CUX1: variants seen among roughly 807,000 people sequenced by gnomAD.
The protein encoded by CUX1 is cut like homeobox 1, also known as protein CASP.
Under a neutral mutation model 158.8 loss-of-function variants are expected in CUX1, and 31 were observed. That is an observed-to-expected ratio of 0.20 (90% confidence interval 0.15 to 0.26). CUX1 has a LOEUF of 0.26. Among genes scored for constraint, CUX1 ranks in the 10% least tolerant of loss-of-function variants. The pLI, the probability that CUX1 is intolerant of heterozygous loss-of-function variation, is 1.00. For missense variants in CUX1, 1,589 were observed against 2,014.6 expected, an observed-to-expected ratio of 0.79 and a Z score of 4.04; for synonymous variants, 879 against 862.1, an observed-to-expected ratio of 1.02 and a Z score of -0.34.
At chr7:102,120,541 A>T (rs1374076984) in intron 8 of CUX1, among the ~76,000 whole-genome samples, 1 of 152,232 alleles carries the variant, frequency 6.6e-6, no homozygotes, top group Non-Finnish European at 1.5e-5. Flanking sequence ...GTATACACAT[A>T]CTTACATAGT....
At chr7:102,158,994 G>A (rs1019903113) in intron 9 of CUX1, among the ~76,000 whole-genome samples, 1 of 151,772 alleles carries the variant, frequency 6.6e-6, no homozygotes, top group Non-Finnish European at 1.5e-5. Flanking sequence ...TCTCACCACG[G>A]TGTTATCCTA....
chr7:101,910,810 G>GA (rs1209159367), intron 1 of CUX1, among the ~76,000 whole-genome samples: 1 of 151,820 alleles, frequency 6.6e-6, no homozygotes, highest in African/African-American at 2.4e-5. Context: ...ACTTATTTGG[G>GA]AAAAAAATTT....
chr7:102,202,403 A>T (rs980852025), intron 18 of CUX1, among the ~76,000 whole-genome samples, 199 bp downstream of exon 18: 2 of 152,198 alleles, frequency 1.3e-5, no homozygotes, highest in African/African-American at 2.4e-5. Flanking sequence ...CCCCGACTGC[A>T]GCCAGGTTCT....
chr7:102,239,157 G>A (rs1432128778), intron 22 of CUX1, among the ~76,000 whole-genome samples, 163 bp from the exon 23 acceptor site: 1 of 152,190 alleles, frequency 6.6e-6, no homozygotes, highest in African/African-American at 2.4e-5. Flanking sequence ...AAAGTGCTTG[G>A]ATTACAGGCA....
Position 102,252,089 on chromosome 7 carries a change from C to T in CUX1, c.*3047C>T. Reference sequence around the variant, plus strand: ...CAATCAGTTGGTTAAATTTTGCTTGCAGTTCTGTGTATTTTTTTTCCTCTA... The same window carrying T: ...CAATCAGTTGGTTAAATTTTGCTTGTAGTTCTGTGTATTTTTTTTCCTCTA... On this transcript the variant is annotated 3_prime_UTR_variant, in exon 24 of 24. Coordinates refer to ENST00000292535, the MANE Select transcript of CUX1 (RefSeq NM_181552.4). The T allele has an allele frequency of 1.0e-6, 1 of 985,200 alleles. No homozygotes were observed. The highest frequency in any genetic ancestry group is 1.2e-6 in the Non-Finnish European group (1 of 829,810). 61.0% of individuals were successfully genotyped at this position (985,200 alleles called of 1,614,324 possible).
intron 1 of CUX1, among the ~76,000 whole-genome samples, chr7:101,889,804 G>A (rs115188702): frequency 6.6e-6 from 1 of 152,310 alleles, no homozygotes; most frequent in African/African-American, 2.4e-5. Flanking sequence ...TACATCTGGT[G>A]CAGGTAAAGT....
At chr7:101,868,514 C>G (rs1423058775) in intron 1 of CUX1, among the ~76,000 whole-genome samples, 1 of 152,202 alleles carries the variant, frequency 6.6e-6, no homozygotes. Context: ...ATCTTACACA[C>G]TGAGGACAGG....
chr7:102,039,765 T>G (rs1821856654), intron 3 of CUX1, among the ~76,000 whole-genome samples: 1 of 152,056 alleles, frequency 6.6e-6, no homozygotes. Flanking sequence ...AGACAAATTC[T>G]GGAGCTTGGT....
At chr7:102,030,691 G>GTTTTTTTTTTTTGTTTTTTGTTT (rs1820674187) in intron 3 of CUX1, among the ~76,000 whole-genome samples, 3 of 119,412 alleles carry the variant, frequency 2.5e-5, no homozygotes, top group African/African-American at 9.3e-5. Context: ...TTTAAAAAGT[G>GTTTTTTTTTTTTGTTTTTTGTTT]TTTTTTTTTT....
rs1006501213 is a variant in CUX1 at position 102,101,120 on chromosome 7, C to T, written c.407-3216C>T. On this transcript the variant is annotated intron_variant, in intron 5 of 23. Transcript: ENST00000292535. Reference sequence around the variant, plus strand: ...GAGGGATTCGCCCCCATGACCCAGACACCTCCCACTTGGCCCCACTTCCAA... The same window carrying T: ...GAGGGATTCGCCCCCATGACCCAGATACCTCCCACTTGGCCCCACTTCCAA... 4.6e-5 allele frequency among the ~76,000 whole-genome samples: 7 copies of T among 152,198 alleles called. No homozygotes were observed. In the South Asian group the frequency reaches 6.2e-4, roughly 14 times the overall value.
At position 102,254,444 on chromosome 7, in the gene CUX1, GC is replaced by G. The variant is rs1789660985; in HGVS notation, c.*5406del. ...ATAGATGGCTTCCTCCAGCCTACAC[GC>G]CCCGTCCACAGTGGCATCACCCTCT... On this transcript the variant is annotated 3_prime_UTR_variant, in exon 24 of 24. Coordinates refer to ENST00000292535, the MANE Select transcript of CUX1 (RefSeq NM_181552.4). 1.0e-6 allele frequency: 1 copy of G among 985,398 alleles called. No homozygotes were observed. The highest frequency in any genetic ancestry group is 1.2e-6 in the Non-Finnish European group (1 of 829,964). 61.0% of individuals were successfully genotyped at this position (985,398 alleles called of 1,614,324 possible). A position where few individuals can be genotyped will look rare whatever the true frequency, so the allele number is the denominator to read the frequency against.
At chr7:101,876,291 G>T (rs1190951072) in intron 1 of CUX1, among the ~76,000 whole-genome samples, 1 of 150,046 alleles carries the variant, frequency 6.7e-6, no homozygotes, top group Non-Finnish European at 1.5e-5. Context: ...GTTGCAGTGA[G>T]CCGAGATGGT....
chr7:102,271,541 G>A (rs1554546261), intron 14 of CUX1, among the ~76,000 whole-genome samples: 1 of 152,222 alleles, frequency 6.6e-6, no homozygotes, highest in Non-Finnish European at 1.5e-5. Context: ...CGTCTCTCTG[G>A]ACCTCTCCCC....
At chr7:101,936,415 A>G (rs1373912197) in intron 2 of CUX1, among the ~76,000 whole-genome samples, 2 of 152,168 alleles carry the variant, frequency 1.3e-5, no homozygotes, top group African/African-American at 4.8e-5. Context: ...TGAAGGTCAC[A>G]GAGTTTGGGA....
Position 102,196,909 on chromosome 7 carries a change from G to T in CUX1, c.1498G>T (p.Ala500Ser), listed in dbSNP as rs1162949871. Residue 500 changes from alanine to serine, a missense_variant, in exon 15 of 24, where the codon GCC becomes TCC. Ala to Ser is a moderately conservative substitution (Grantham distance 99). Transcript: ENST00000292535. ...QSFYSKAMQEAGSTSMIFSTG... is the reference protein window; with the variant it reads ...QSFYSKAMQESGSTSMIFSTG... ...CTTCTACTCCAAGGCTATGCAGGAA[G>T]CCGGAAGCACAAGCATGATTTTTTC... 5 of 1,614,044 alleles carry T rather than the reference G, an allele frequency of 3.1e-6. No homozygotes were observed. The highest frequency in any genetic ancestry group is 4.2e-6 in the Non-Finnish European group (5 of 1,180,046).
At chr7:102,111,185 C>T (rs1830844657) in intron 6 of CUX1, among the ~76,000 whole-genome samples, 1 of 151,660 alleles carries the variant, frequency 6.6e-6, no homozygotes, top group Non-Finnish European at 1.5e-5. Flanking sequence ...AAATCTGAAT[C>T]TGTGGAATGC....
upstream of CUX1, chr7:101,816,099 G>A (rs776931696): frequency 5.1e-6 from 7 of 1,360,322 alleles, no homozygotes; most frequent in South Asian, 8.8e-5. Context: ...TGCAGGTCAG[G>A]CTCCTCCGCG....
intron 20 of CUX1, among the ~76,000 whole-genome samples, chr7:102,214,500 T>C (rs1264408963): frequency 6.6e-6 from 1 of 152,230 alleles, no homozygotes; most frequent in Non-Finnish European, 1.5e-5. Flanking sequence ...TTTACTAGGT[T>C]TGGCTGTTGG....
At chr7:102,017,056 C>T (rs1316550040) in intron 2 of CUX1, among the ~76,000 whole-genome samples, 1 of 152,156 alleles carries the variant, frequency 6.6e-6, no homozygotes, top group Non-Finnish European at 1.5e-5. Context: ...GTAATCCCAT[C>T]ACTTTGGGAG....
Sources: gnomAD v4.1 joint callset for allele counts (sites outside exome capture counted in the v4.1 genomes callset) on GRCh38, gnomAD v4.1.1 for gene constraint, MANE v1.5 for transcripts, NCBI Gene and HGNC (gene_info 2026-07-23, HGNC 2026-07-21) for gene names.